Variants in HTR3D observed in about 807,000 individuals in gnomAD.
The protein encoded by HTR3D is 5-hydroxytryptamine (serotonin) receptor 3 family member D.
HTR3D carries 47 observed loss-of-function variants against 45.8 expected under a neutral mutation model. The observed-to-expected ratio is 1.03, with a 90% confidence interval of 0.81 to 1.31. HTR3D has a LOEUF of 1.31. Among genes scored for constraint, HTR3D ranks in the 50% most tolerant of loss-of-function variants. The probability of loss-of-function intolerance (pLI) is 0.00; values close to 1 mark genes in which losing one functional copy is unlikely to be tolerated. For missense variants in HTR3D, 448 were observed against 506.9 expected, an observed-to-expected ratio of 0.88 and a Z score of 1.12; for synonymous variants, 203 against 199.8, an observed-to-expected ratio of 1.02 and a Z score of -0.13.
In HTR3D at chr3:184,039,049, G is replaced by GTCAGTCCACATT; in HGVS notation, c.*78_*79insTCCACATTTCAG. The GTCAGTCCACATT allele has an allele frequency of 1.3e-6, 2 of 1,515,750 alleles. No individual in the cohort carries two copies. Among genetic ancestry groups the GTCAGTCCACATT allele is most frequent in the Non-Finnish European group, 9.1e-7 (1 of 1,098,212 alleles). 93.9% of individuals were successfully genotyped at this position (1,515,750 alleles called of 1,614,324 possible). On this transcript the variant is annotated 3_prime_UTR_variant, in exon 8 of 8. Transcript: ENST00000428798. The stretch of plus-strand genomic sequence containing the variant: ...ACTCCAGAAACCAGTCAGGCTCTCA[G>GTCAGTCCACATT]TCAGCCTTGTGGCCCTGTCAACCGC...
At chr3:184,033,085 T>C (rs1449307558) in intron 1 of HTR3D, 5 of 1,493,590 alleles carry the variant, frequency 3.3e-6, no homozygotes, top group Admixed American at 2.0e-5. Flanking sequence ...AACATTGCAG[T>C]GGTCTAGTGG....
chr3:184,037,481 C>T (rs901188593), intron 5 of HTR3D, among the ~76,000 whole-genome samples: 2 of 152,154 alleles, frequency 1.3e-5, no homozygotes, highest in Non-Finnish European at 2.9e-5. Context: ...CCCCGCCTTC[C>T]CCAATGGCTG....
chr3:184,036,027 G>T lies in HTR3D; in HGVS notation c.124G>T (p.Glu42Ter), dbSNP rs766231461. The T allele has an allele frequency of 6.4e-7, 1 of 1,551,606 alleles. No individual in the cohort carries two copies. Among genetic ancestry groups the T allele is most frequent in the South Asian group, 1.2e-5 (1 of 84,054 alleles). Residue 42 changes from glutamate to a stop codon, truncating the protein, a stop_gained, in exon 3 of 8, where the codon GAA becomes TAA. Transcript: ENST00000428798. LOFTEE classifies it high-confidence loss of function. Reference protein sequence around the residue: ...FLWLNMWNPDECGGIKKSGMA... With the variant: ...FLWLNMWNPD ...TCAATTTGTGCAGTGGAACCCAGAT[G>T]AATGCGGAGGCATCAAGAAGTCCGG...
At chr3:184,034,931 A>T in intron 1 of HTR3D, 1 of 699,180 alleles carries the variant, frequency 1.4e-6, no homozygotes, top group Non-Finnish European at 2.2e-6. Context: ...TAATGACATT[A>T]CTGCAGGTAA....
In HTR3D at chr3:184,038,840, A is replaced by G; in HGVS notation, c.1080A>G (p.Glu360=). 1 of 1,614,128 alleles carries G rather than the reference A, an allele frequency of 6.2e-7. No individual in the cohort carries two copies. ...CAGAATGGACAAGGGCCCAGCGGGA[A>G]CACGAGGCCCAGAAGCAGCACTCGG... is the stretch of plus-strand genomic sequence containing the variant. ...GGSEWTRAQR[E]HEAQKQHSVE... The change falls in exon 8 of 8, where the codon GAA becomes GAG. Residue 360 remains glutamate (E), a synonymous_variant. Coordinates refer to ENST00000428798, the MANE Select transcript of HTR3D (RefSeq NM_001145143.1). The surrounding 1 kb of genome is among the most constrained non-coding windows in gnomAD (Gnocchi z 4.5).
In HTR3D at chr3:184,036,527, T is replaced by G; in HGVS notation, c.350T>G (p.Leu117Arg). 6.2e-7 allele frequency: 1 copy of G among 1,614,206 alleles called. No individual in the cohort carries two copies. The highest frequency in any genetic ancestry group is 8.5e-7 in the Non-Finnish European group (1 of 1,180,034). The change falls in exon 4 of 8, where the codon CTT becomes CGT. Residue 117 changes from leucine to arginine, a missense_variant. Coordinates refer to ENST00000428798, the MANE Select transcript of HTR3D (RefSeq NM_001145143.1). ...MDRGERSPSA[L>R]SPTQVTRAWR... ...AGAGGTGAACGCTCTCCTTCAGCCC[T>G]TTCACCTACACAGGTAAGTGGGGCT...
At chr3:184,031,995 CTTTTTTT>C (rs3031482) in intron 1 of HTR3D, among the ~76,000 whole-genome samples, 188 bp downstream of exon 1, 2 of 129,648 alleles carry the variant, frequency 1.5e-5, no homozygotes, top group East Asian at 4.4e-4. Flanking sequence ...CTTTTCTCTT[CTTTTTTT>C]TTTTTTTTTT....
chr3:184,037,016 C>T (rs1722924414), intron 5 of HTR3D, 120 bp downstream of exon 5: 4 of 856,432 alleles, frequency 4.7e-6, no homozygotes, highest in Non-Finnish European at 5.2e-6. Context: ...GCGTGAACCA[C>T]GAAGCCCGGC....
Position 184,038,010 on chromosome 3 carries a change from C to G in HTR3D, c.517-11C>G, listed in dbSNP as rs375839446. 140 of 1,612,186 alleles carry G rather than the reference C, an allele frequency of 8.7e-5. No homozygotes were observed. Among genetic ancestry groups the G allele is most frequent in the Middle Eastern group, 5.0e-4 (3 of 6,054 alleles). ...TACTTCTCACTTGCCCCTCCTTCTC[C>G]TCCCCACCAGGTGGCCATCAGGCGC... is the stretch of plus-strand genomic sequence containing the variant. On this transcript the variant is annotated splice_polypyrimidine_tract_variant and intron_variant, in intron 5 of 7. Transcript: ENST00000428798. The surrounding 1 kb of genome is among the most constrained non-coding windows in gnomAD (Gnocchi z 4.5).
intron 1 of HTR3D, among the ~76,000 whole-genome samples, chr3:184,034,670 A>G (rs1321666267): frequency 6.6e-6 from 1 of 152,142 alleles, no homozygotes; most frequent in Non-Finnish European, 1.5e-5. Flanking sequence ...AAATACAAAA[A>G]GTTAGCTGGG....
At chr3:184,033,893 G>T (rs1013293321) in intron 1 of HTR3D, among the ~76,000 whole-genome samples, 2 of 152,068 alleles carry the variant, frequency 1.3e-5, no homozygotes, top group Admixed American at 1.3e-4. Flanking sequence ...CTCTAGCCTG[G>T]GTGACAGAGC....
chr3:184,038,585 G>A lies in HTR3D; in HGVS notation c.946G>A (p.Gly316Arg). 6.2e-7 allele frequency: 1 copy of A among 1,614,048 alleles called. No individual in the cohort carries two copies. The highest frequency in any genetic ancestry group is 8.5e-7 in the Non-Finnish European group (1 of 1,180,022). ...ATGCTGTCCCACTGCGCCCCAGAAG[G>A]GAAATAAGGGCCCGGGTCTCACCCC... ...GRCCPTAPQK[G>R]NKGPGLTPTH... is the part of the protein sequence containing the mutation. Residue 316 changes from glycine (G) to arginine (R), a missense_variant, in exon 7 of 8, where the codon GGA becomes AGA. Physicochemically the swap from Gly to Arg is moderately radical, Grantham distance 125 (BLOSUM62 -2). Coordinates refer to ENST00000428798, the MANE Select transcript of HTR3D (RefSeq NM_001145143.1). The surrounding 1 kb of genome is among the most constrained non-coding windows in gnomAD (Gnocchi z 4.5).
At chr3:184,031,995 CTTT>C (rs3031482) in intron 1 of HTR3D, among the ~76,000 whole-genome samples, 188 bp downstream of exon 1, 4 of 129,626 alleles carry the variant, frequency 3.1e-5, no homozygotes, top group Admixed American at 8.1e-5. Flanking sequence ...CTTTTCTCTT[CTTT>C]TTTTTTTTTT....
chr3:184,036,020 C>G lies in HTR3D; in HGVS notation c.117C>G (p.Asn39Lys). 6.4e-7 allele frequency: 1 copy of G among 1,551,532 alleles called. No homozygotes were observed. The highest frequency in any genetic ancestry group is 1.2e-5 in the South Asian group (1 of 84,058). Residue 39 changes from asparagine to lysine, a missense_variant, in exon 3 of 8, where the codon AAC (asparagine) becomes AAG (lysine). Physicochemically the swap from Asn to Lys is moderately conservative, Grantham distance 94 (BLOSUM62 0). Transcript: ENST00000428798. ...VTSFLWLNMWNPDECGGIKKS... is the reference protein window; with the variant it reads ...VTSFLWLNMWKPDECGGIKKS... Reference sequence around the variant, plus strand: ...GGCACAATCAATTTGTGCAGTGGAACCCAGATGAATGCGGAGGCATCAAGA... The same window carrying G: ...GGCACAATCAATTTGTGCAGTGGAAGCCAGATGAATGCGGAGGCATCAAGA...
intron 1 of HTR3D, among the ~76,000 whole-genome samples, chr3:184,033,872 G>A (rs1046752163): frequency 2.0e-5 from 3 of 152,130 alleles, no homozygotes; most frequent in Non-Finnish European, 4.4e-5. Flanking sequence ...AGCCAAGATT[G>A]TGCCACTGCA....
chr3:184,032,850 G>GC (rs773798039), intron 1 of HTR3D: 3 of 1,551,504 alleles, frequency 1.9e-6, no homozygotes, highest in Non-Finnish European at 2.6e-6. Context: ...CACTCTCCAG[G>GC]CCCCCCAGCC....
At chr3:184,031,995 C>CCTTTT (rs1722762906) in intron 1 of HTR3D, among the ~76,000 whole-genome samples, 188 bp downstream of exon 1, 1 of 129,648 alleles carries the variant, frequency 7.7e-6, no homozygotes. Flanking sequence ...CTTTTCTCTT[C>CCTTTT]TTTTTTTTTT....
Position 184,038,523 on chromosome 3 carries a change from TC to T in HTR3D, c.886del (p.His296ThrfsTer35), listed in dbSNP as rs773666860. On this transcript the variant is annotated frameshift_variant, in exon 7 of 8. Transcript: ENST00000428798. LOFTEE classifies it high-confidence loss of function. The surrounding 1 kb of genome is among the most constrained non-coding windows in gnomAD (Gnocchi z 4.5). ...TTQPLPLPRW[L>X]HSLLLHCTGQ... is the part of the protein sequence containing the mutation. ...CAGCCCCTACCTCTGCCTCGGTGGC[TC>T]CACTCCCTGCTGCTGCACTGCACCG... The T allele has an allele frequency of 5.6e-6, 9 of 1,613,848 alleles. No homozygotes were observed. In the East Asian group the frequency reaches 1.3e-4, roughly 24 times the overall value.
intron 1 of HTR3D, chr3:184,034,930 T>C: frequency 1.4e-6 from 1 of 704,870 alleles, no homozygotes; most frequent in Non-Finnish European, 2.2e-6. Context: ...GTAATGACAT[T>C]ACTGCAGGTA....
Sources: gnomAD v4.1 joint callset for allele counts (sites outside exome capture counted in the v4.1 genomes callset) on GRCh38, gnomAD v4.1.1 for gene constraint, Gnocchi (gnomAD v3.1) non-coding constraint, MANE v1.5 for transcripts, NCBI Gene and HGNC (gene_info 2026-07-23, HGNC 2026-07-21) for gene names.